Variants in GRM8 observed in about 807,000 individuals in gnomAD.
GRM8 encodes glutamate metabotropic receptor 8.
A neutral mutation model predicts 87.2 loss-of-function variants in GRM8; 47 were observed. The observed-to-expected ratio is 0.54, with a 90% CI of 0.43 to 0.69. The LOEUF (loss-of-function observed/expected upper bound fraction) is 0.69, where lower values mean the gene tolerates loss of function less well. Among genes scored for constraint, GRM8 ranks in the 30% least tolerant of loss-of-function variants. GRM8 has a pLI of 0.00. For missense variants in GRM8, 1,019 were observed against 1,139.2 expected (o/e 0.89, Z 1.52); for synonymous variants, 396 against 404.5 (o/e 0.98, Z 0.25).
intron 3 of GRM8, among the ~76,000 whole-genome samples, chr7:126,997,517 C>A (rs1586708939): frequency 1.7e-4 from 18 of 107,500 alleles, no homozygotes; most frequent in South Asian, 5.9e-4. Flanking sequence ...TAAAGATAAG[C>A]AAAATTGGCA....
At chr7:127,035,139 T>G (rs1263838880) in intron 3 of GRM8, among the ~76,000 whole-genome samples, 1 of 152,146 alleles carries the variant, frequency 6.6e-6, no homozygotes, top group Admixed American at 6.5e-5. Context: ...GAGCTGTATT[T>G]TAGACAACGA....
At chr7:126,702,180 C>T (rs768627969) in intron 7 of GRM8, among the ~76,000 whole-genome samples, 2 of 152,124 alleles carry the variant, frequency 1.3e-5, no homozygotes, top group Non-Finnish European at 2.9e-5. Flanking sequence ...GCTTACAGTC[C>T]AGCAGTGGAA....
At chr7:126,650,523 C>T (rs1192615687) in intron 7 of GRM8, among the ~76,000 whole-genome samples, 3 of 152,076 alleles carry the variant, frequency 2.0e-5, no homozygotes, top group Non-Finnish European at 4.4e-5. Flanking sequence ...GTGCACTTTG[C>T]ATGGAAGGAG....
At chr7:126,491,897 T>C (rs1808063746) in intron 9 of GRM8, among the ~76,000 whole-genome samples, 1 of 152,030 alleles carries the variant, frequency 6.6e-6, no homozygotes, top group East Asian at 1.9e-4. Context: ...CCACAAGACC[T>C]GTTTCCTCAT....
intron 3 of GRM8, chr7:127,091,136 G>C (rs1586971618): frequency 6.6e-6 from 1 of 152,264 alleles, no homozygotes; most frequent in Non-Finnish European, 1.5e-5. Flanking sequence ...CAGAACTTTA[G>C]TCAGGATTCT....
chr7:126,539,911 C>T (rs1487287056), intron 8 of GRM8, among the ~76,000 whole-genome samples: 4 of 151,642 alleles, frequency 2.6e-5, no homozygotes, highest in African/African-American at 7.3e-5. Context: ...AGACATGACA[C>T]CAAAAGCAGA....
chr7:127,152,698 T>C (rs1464878322), intron 2 of GRM8, among the ~76,000 whole-genome samples: 1 of 152,046 alleles, frequency 6.6e-6, no homozygotes, highest in African/African-American at 2.4e-5. Flanking sequence ...TATACAAGAG[T>C]GTAGGTATTA....
chr7:127,107,688 A>C (rs1825939891), intron 2 of GRM8, among the ~76,000 whole-genome samples: 2 of 152,192 alleles, frequency 1.3e-5, no homozygotes, highest in Non-Finnish European at 2.9e-5. Context: ...ATCTTTCCCC[A>C]CAGGGCTGCA....
intron 3 of GRM8, among the ~76,000 whole-genome samples, chr7:127,069,979 A>T (rs1821515378): frequency 6.6e-6 from 1 of 152,184 alleles, no homozygotes. Context: ...CCAATATCCT[A>T]TCTGAAAACA....
At chr7:127,073,916 C>T (rs1330001757) in intron 3 of GRM8, among the ~76,000 whole-genome samples, 2 of 152,098 alleles carry the variant, frequency 1.3e-5, no homozygotes, top group East Asian at 1.9e-4. Flanking sequence ...GAGTTTTTGT[C>T]CTTGAAAATC....
At chr7:126,719,569 A>G (rs114350293) in intron 7 of GRM8, among the ~76,000 whole-genome samples, 68 of 152,322 alleles carry the variant, frequency 4.5e-4, no homozygotes, top group African/African-American at 1.6e-3. Context: ...GTGAGAGTCA[A>G]CATGTGTGAA....
At chr7:126,768,381 A>AAAAAAAAAAT (rs1818443964) in intron 7 of GRM8, among the ~76,000 whole-genome samples, 1 of 148,530 alleles carries the variant, frequency 6.7e-6, no homozygotes, top group African/African-American at 2.5e-5. Flanking sequence ...AAAAAAAAAA[A>AAAAAAAAAAT]GTGGACAGAA....
intron 7 of GRM8, among the ~76,000 whole-genome samples, chr7:126,719,565 G>A (rs989296695): frequency 1.4e-4 from 21 of 152,184 alleles, no homozygotes; most frequent in African/African-American, 3.9e-4. Flanking sequence ...GTCTGTGAGA[G>A]TCAACATGTG....
At chr7:126,901,469 T>C (rs571643600) in intron 6 of GRM8, among the ~76,000 whole-genome samples, 1 of 152,360 alleles carries the variant, frequency 6.6e-6, no homozygotes, top group African/African-American at 2.4e-5. Flanking sequence ...ATTGCCTTTC[T>C]TCACTCAACC....
chr7:126,600,297 G>GT (rs1201144335), intron 8 of GRM8, among the ~76,000 whole-genome samples: 1 of 152,068 alleles, frequency 6.6e-6, no homozygotes, highest in Non-Finnish European at 1.5e-5. Context: ...TTCTACATTG[G>GT]TTTTTTTCAA....
intron 2 of GRM8, among the ~76,000 whole-genome samples, chr7:127,223,169 T>G (rs1797045957): frequency 6.6e-6 from 1 of 152,052 alleles, no homozygotes; most frequent in South Asian, 2.1e-4. Flanking sequence ...GGTGGGGAGC[T>G]GCCAAGTGGG....
intron 2 of GRM8, among the ~76,000 whole-genome samples, chr7:127,142,642 A>C (rs1828336399): frequency 6.6e-6 from 1 of 152,178 alleles, no homozygotes; most frequent in African/African-American, 2.4e-5. Flanking sequence ...ATAAATTGAT[A>C]GATATATGAT....
intron 7 of GRM8, among the ~76,000 whole-genome samples, chr7:126,709,159 G>A (rs951221779): frequency 6.6e-6 from 1 of 152,142 alleles, no homozygotes; most frequent in African/African-American, 2.4e-5. Flanking sequence ...ATAGACAAAT[G>A]TCTAACAGGT....
At chr7:127,055,812 G>GAA (rs111733090) in intron 3 of GRM8, among the ~76,000 whole-genome samples, 7 of 149,344 alleles carry the variant, frequency 4.7e-5, no homozygotes, top group Non-Finnish European at 8.9e-5. Flanking sequence ...TCTCTAAGGG[G>GAA]AAAAAAAAAA....
Sources: gnomAD v4.1 joint callset for allele counts (sites outside exome capture counted in the v4.1 genomes callset) on GRCh38, gnomAD v4.1.1 for gene constraint, MANE v1.5 for transcripts, NCBI Gene and HGNC (gene_info 2026-07-23, HGNC 2026-07-21) for gene names.